IGSF11: variants seen among roughly 807,000 people sequenced by gnomAD.
The protein encoded by IGSF11 is CXADR like 1.
IGSF11 carries 22 observed loss-of-function variants against 41.0 expected under a neutral mutation model. The ratio of observed to expected loss-of-function variants is 0.54; its 90% CI spans 0.38 to 0.77. The LOEUF (loss-of-function observed/expected upper bound fraction) is 0.77, where lower values mean the gene tolerates loss of function less well. IGSF11 is among the 30% of genes least tolerant of loss of function. The pLI is 0.00. For synonymous variants in IGSF11, 219 were observed against 201.3 expected (o/e 1.09, Z -0.74); for missense variants, 444 against 530.8 (o/e 0.84, Z 1.61).
rs1448033706 is a variant in IGSF11 at position 118,901,608 on chromosome 3, AC to A, written c.*911del. The A allele has an allele frequency of 6.6e-6, 1 of 152,062 alleles. No homozygotes were observed. The highest frequency in any genetic ancestry group is 2.4e-5 in the African/African-American group (1 of 41,384). The allele number at this position is 152,062 out of a possible 1,614,324, so 9.4% of individuals were successfully genotyped here. ...TGAGAGGCTGCCCAGCAAGGCTACA[AC>A]CCCTTAGCCCTACCTTCCTGCCCAC... On this transcript the variant is annotated 3_prime_UTR_variant, in exon 7 of 7. Coordinates refer to ENST00000393775, the MANE Select transcript of IGSF11 (RefSeq NM_001015887.3).
Position 118,987,348 on chromosome 3 carries a change from C to T in IGSF11, c.52+47183G>A, listed in dbSNP as rs139264696. ...GACAAACTGCCTCTCACACGACACC[C>T]ACATATATTCTAGGTTTAGGGACAC... On this transcript the variant is annotated intron_variant, in intron 1 of 6. Coordinates refer to ENST00000393775, the MANE Select transcript of IGSF11 (RefSeq NM_001015887.3). Among the ~76,000 whole-genome samples the T allele has an allele frequency of 8.8e-3, 1,334 of 152,292 alleles. 7 individuals carry two copies. The highest frequency in any genetic ancestry group is 0.013 in the Non-Finnish European group (918 of 68,010).
At chr3:119,045,060 A>C (rs1191773881) in intron 1 of IGSF11, among the ~76,000 whole-genome samples, 2 of 152,250 alleles carry the variant, frequency 1.3e-5, no homozygotes, top group African/African-American at 2.4e-5. Context: ...CTCAATACTA[A>C]CACTGAATGT....
intron 1 of IGSF11, among the ~76,000 whole-genome samples, chr3:119,029,713 C>A (rs1167162861): frequency 6.6e-6 from 1 of 152,166 alleles, no homozygotes; most frequent in Non-Finnish European, 1.5e-5. Context: ...TAGGGGTTCT[C>A]TAAATTAGGA....
chr3:118,926,386 A>G (rs2107526473), intron 3 of IGSF11, 130 bp from the exon 4 acceptor site: 2 of 694,230 alleles, frequency 2.9e-6, no homozygotes, highest in Non-Finnish European at 4.4e-6. Flanking sequence ...CAGGAGACAG[A>G]CTCACCGCCT....
At position 119,122,946 on chromosome 3, in the gene IGSF11, A is replaced by T. The variant is rs542664967; in HGVS notation, c.-13-17741T>A. ...TGTGGTGGCTATGGTGAGAGGCTCC[A>T]TCTCCTTGAGAAAAGCAGAGGGAAA... On this transcript the variant is annotated intron_variant, in intron 1 of 7. Coordinates refer to the IGSF11 transcript ENST00000425327. Among the ~76,000 whole-genome samples, 4 of 152,338 alleles carry T rather than the reference A, an allele frequency of 2.6e-5. No individual in the cohort carries two copies. In the South Asian group the frequency reaches 8.3e-4, roughly 32 times the overall value.
intron 1 of IGSF11, among the ~76,000 whole-genome samples, chr3:118,966,329 T>G (rs1183435406): frequency 6.6e-6 from 1 of 152,198 alleles, no homozygotes; most frequent in African/African-American, 2.4e-5. Context: ...AAAGCTTATA[T>G]GTTTTCAGTA....
At chr3:118,946,357 T>C (rs1287633457) in intron 1 of IGSF11, among the ~76,000 whole-genome samples, 1 of 151,866 alleles carries the variant, frequency 6.6e-6, no homozygotes, top group Non-Finnish European at 1.5e-5. Context: ...TAGCATAGTA[T>C]TATTGTAATT....
chr3:119,133,320 G>A (rs1163464734), intron 1 of IGSF11, among the ~76,000 whole-genome samples: 1 of 152,078 alleles, frequency 6.6e-6, no homozygotes, highest in Non-Finnish European at 1.5e-5. Flanking sequence ...TAGAACGCTA[G>A]CAAGACTAGT....
intron 1 of IGSF11, among the ~76,000 whole-genome samples, chr3:119,140,602 A>G (rs554776550): frequency 1.6e-3 from 232 of 143,304 alleles, no homozygotes; most frequent in Non-Finnish European, 2.8e-3. Context: ...CTTAACTAAC[A>G]CTATAAATCA....
chr3:119,001,259 C>T (rs1011377614), intron 1 of IGSF11, among the ~76,000 whole-genome samples: 5 of 150,256 alleles, frequency 3.3e-5, no homozygotes, highest in Admixed American at 1.3e-4. Context: ...TAGTACTTGC[C>T]GTCCTCTAAT....
intron 1 of IGSF11, among the ~76,000 whole-genome samples, chr3:119,084,426 C>G (rs901986105): frequency 3.9e-5 from 6 of 152,102 alleles, no homozygotes; most frequent in Non-Finnish European, 8.8e-5. Context: ...ACCCCACATC[C>G]CCCATAGATG....
At chr3:119,041,205 T>C (rs1941107455) in intron 1 of IGSF11, among the ~76,000 whole-genome samples, 1 of 152,312 alleles carries the variant, frequency 6.6e-6, no homozygotes, top group Admixed American at 6.5e-5. Context: ...CAGTCAAATA[T>C]TTGCACTTTG....
chr3:119,097,237 G>T (rs1221547862), intron 1 of IGSF11, among the ~76,000 whole-genome samples: 1 of 152,146 alleles, frequency 6.6e-6, no homozygotes, highest in Non-Finnish European at 1.5e-5. Context: ...GGAAATCACT[G>T]TCAGAAGTTA....
intron 1 of IGSF11, among the ~76,000 whole-genome samples, chr3:119,061,901 A>G (rs1942064499): frequency 6.6e-6 from 1 of 152,142 alleles, no homozygotes. Context: ...AGAACCAAAT[A>G]AGGTAAATGC....
intron 6 of IGSF11, among the ~76,000 whole-genome samples, chr3:118,903,600 C>T (rs967976095): frequency 2.0e-5 from 3 of 152,158 alleles, no homozygotes; most frequent in Non-Finnish European, 4.4e-5. Flanking sequence ...CTGGGGTAGA[C>T]TCTATCCCTG....
chr3:118,998,012 A>C (rs1409798524), intron 1 of IGSF11, among the ~76,000 whole-genome samples: 1 of 152,184 alleles, frequency 6.6e-6, no homozygotes, highest in Non-Finnish European at 1.5e-5. Flanking sequence ...GTGTTTAACT[A>C]CTGTATACAA....
Position 118,920,630 on chromosome 3 carries a change from CAG to C in IGSF11, c.580+5469_580+5470del, listed in dbSNP as rs551593350. ...AATAACACAAAAAGCTTATTAAACACAGAGAAAAACGAAATATAACAAGCTTG... is the reference window on the plus strand; with the variant it reads ...AATAACACAAAAAGCTTATTAAACACAGAAAAACGAAATATAACAAGCTTG... On this transcript the variant is annotated intron_variant, in intron 4 of 6. Transcript: ENST00000393775. Among the ~76,000 whole-genome samples, 949 of 129,676 alleles carry C rather than the reference CAG, an allele frequency of 7.3e-3. 6 individuals are homozygous for C. Among genetic ancestry groups the C allele is most frequent in the Middle Eastern group, 0.015 (4 of 272 alleles). 85.1% of individuals were successfully genotyped at this position (129,676 alleles called of 152,430 possible). A position where few individuals can be genotyped will look rare whatever the true frequency, so the allele number is the denominator to read the frequency against.
intron 6 of IGSF11, 108 bp downstream of exon 6, chr3:118,904,540 T>C (rs982005227): frequency 6.3e-6 from 5 of 797,680 alleles, no homozygotes. Flanking sequence ...ACTTTAATAG[T>C]CTCGGCCATC....
intron 1 of IGSF11, among the ~76,000 whole-genome samples, chr3:119,031,742 T>A (rs1229858523): frequency 1.3e-5 from 2 of 152,242 alleles, no homozygotes. Flanking sequence ...TTCATGTAGG[T>A]CAAACTACAG....
Sources: allele counts gnomAD v4.1 joint callset (sites outside exome capture counted in the v4.1 genomes callset), GRCh38; gene constraint gnomAD v4.1.1; transcripts MANE v1.5; gene names NCBI Gene and HGNC (gene_info 2026-07-23, HGNC 2026-07-21).